NRCAM: variants seen among roughly 807,000 people sequenced by gnomAD.
NRCAM encodes the protein neuronal cell adhesion molecule.
Under a neutral mutation model 156.5 loss-of-function variants are expected in NRCAM, and 83 were observed. That is an observed-to-expected ratio of 0.53 (90% CI 0.44 to 0.64). The LOEUF (loss-of-function observed/expected upper bound fraction) is 0.64, where lower values mean the gene tolerates loss of function less well. Among genes scored for constraint, NRCAM ranks in the 30% least tolerant of loss-of-function variants. NRCAM has a pLI of 0.00. For synonymous variants in NRCAM, 538 were observed against 563.9 expected, an observed-to-expected ratio of 0.95 and a Z score of 0.65; for missense variants, 1,417 against 1,597.3, an observed-to-expected ratio of 0.89 and a Z score of 1.92.
At chr7:108,372,509 TA>T (rs2099635151) in intron 2 of NRCAM, among the ~76,000 whole-genome samples, 1 of 152,136 alleles carries the variant, frequency 6.6e-6, no homozygotes, top group African/African-American at 2.4e-5. Context: ...TCAATAGTTT[TA>T]AACAAATCTG....
At position 108,148,297 on chromosome 7, in the gene NRCAM, C is replaced by A. The variant is rs913139277; in HGVS notation, c.*1613G>T. On this transcript the variant is annotated 3_prime_UTR_variant, in exon 33 of 33. Transcript: ENST00000379028. ...TAATTAGCTTACCTCTTATACAGTA[C>A]AACATAAACATTGCATGTTTATTTG... 2 of 152,596 alleles carry A rather than the reference C, an allele frequency of 1.3e-5. No individual in the cohort carries two copies. The highest frequency in any genetic ancestry group is 2.9e-5 in the Non-Finnish European group (2 of 68,030). The allele number at this position is 152,596 out of a possible 1,614,324, so 9.5% of individuals were successfully genotyped here. A position where few individuals can be genotyped will look rare whatever the true frequency, so the allele number is the denominator to read the frequency against.
intron 1 of NRCAM, among the ~76,000 whole-genome samples, chr7:108,451,028 G>A (rs1382424014): frequency 6.6e-6 from 1 of 152,104 alleles, no homozygotes; most frequent in Non-Finnish European, 1.5e-5. Flanking sequence ...AGACCAGCTT[G>A]GCCAACCTGG....
At chr7:108,231,232 C>T in intron 7 of NRCAM, 79 bp from the exon 8 acceptor site, 2 of 1,038,540 alleles carry the variant, frequency 1.9e-6, no homozygotes, top group Non-Finnish European at 2.7e-6. Flanking sequence ...TAAAGGCAAA[C>T]TGAAGTTTTG....
intron 3 of NRCAM, among the ~76,000 whole-genome samples, chr7:108,267,980 T>C (rs2097170616): frequency 9.3e-6 from 1 of 107,686 alleles, no homozygotes; most frequent in African/African-American, 3.4e-5. Flanking sequence ...CTACCTCTAG[T>C]CTTATGGAAT....
At chr7:108,416,048 A>G (rs1294660171) in intron 1 of NRCAM, among the ~76,000 whole-genome samples, 1 of 148,468 alleles carries the variant, frequency 6.7e-6, no homozygotes, top group African/African-American at 2.6e-5. Flanking sequence ...GATGCTGCAA[A>G]CATTTCAGAA....
intron 1 of NRCAM, among the ~76,000 whole-genome samples, chr7:108,402,601 A>G (rs1032918999): frequency 6.6e-6 from 1 of 152,184 alleles, no homozygotes; most frequent in Non-Finnish European, 1.5e-5. Flanking sequence ...TTCTATTTTT[A>G]GGAAATTCTA....
At chr7:108,349,426 G>A (rs933066721) in intron 2 of NRCAM, among the ~76,000 whole-genome samples, 15 of 151,708 alleles carry the variant, frequency 9.9e-5, no homozygotes, top group Non-Finnish European at 1.9e-4. Flanking sequence ...CTGCCACCAC[G>A]CCCTGCTAAT....
intron 1 of NRCAM, among the ~76,000 whole-genome samples, chr7:108,443,907 C>G (rs144884662): frequency 0.058 from 2,788 of 48,418 alleles, 82 homozygotes; most frequent in African/African-American, 0.18. Flanking sequence ...TACATACATA[C>G]ATACATACAT....
Position 108,184,397 on chromosome 7 carries a change from G to GTCCCGCTT in NRCAM, c.2233+12_2233+19dup, listed in dbSNP as rs1222678517. On this transcript the variant is annotated intron_variant, in intron 21 of 32. Transcript: ENST00000379028. The stretch of plus-strand genomic sequence containing the variant: ...TTTTATTATATTTCGTACCCTAGAA[G>GTCCCGCTT]TCCCGCTTTCCCGCTTTACCTGAGG... 1 of 1,613,852 alleles carries GTCCCGCTT rather than the reference G, an allele frequency of 6.2e-7. No homozygotes were observed. The highest frequency in any genetic ancestry group is 1.3e-5 in the African/African-American group (1 of 74,920).
intron 3 of NRCAM, among the ~76,000 whole-genome samples, chr7:108,255,401 C>A (rs1391500659): frequency 6.6e-6 from 1 of 152,202 alleles, no homozygotes. Context: ...CTCCTGACCG[C>A]GAGTGATCTG....
intron 20 of NRCAM, among the ~76,000 whole-genome samples, 196 bp downstream of exon 20, chr7:108,189,449 C>T (rs1205610038): frequency 6.6e-6 from 1 of 152,086 alleles, no homozygotes; most frequent in Non-Finnish European, 1.5e-5. Context: ...TAAGGGGTGT[C>T]CTATTCTAGA....
At chr7:108,279,246 AAT>A (rs1324334835) in intron 3 of NRCAM, among the ~76,000 whole-genome samples, 1 of 152,194 alleles carries the variant, frequency 6.6e-6, no homozygotes, top group Non-Finnish European at 1.5e-5. Flanking sequence ...TGAGATTAAT[AAT>A]AGTTTTATCA....
At chr7:108,216,974 T>C (rs1269625) in intron 11 of NRCAM, among the ~76,000 whole-genome samples, 60,354 of 151,984 alleles carry the variant, frequency 0.4, 14,131 homozygotes, top group East Asian at 0.81. Context: ...GTAGTTGTGA[T>C]CCTTTGGAGG....
At chr7:108,377,562 C>T (rs2099681457) in intron 2 of NRCAM, among the ~76,000 whole-genome samples, 2 of 152,102 alleles carry the variant, frequency 1.3e-5, no homozygotes, top group African/African-American at 4.8e-5. Context: ...ATTATTATAG[C>T]CTTACTGGCA....
chr7:108,265,383 A>T (rs557207533), intron 3 of NRCAM, among the ~76,000 whole-genome samples: 7 of 152,278 alleles, frequency 4.6e-5, no homozygotes, highest in African/African-American at 1.7e-4. Context: ...CCTCTGTGAG[A>T]CATAGATGAT....
intron 8 of NRCAM, among the ~76,000 whole-genome samples, chr7:108,229,194 C>T (rs1296592678): frequency 6.6e-6 from 1 of 152,158 alleles, no homozygotes; most frequent in Non-Finnish European, 1.5e-5. Flanking sequence ...TTTTAGTTCT[C>T]ATATTATCTG....
intron 1 of NRCAM, among the ~76,000 whole-genome samples, chr7:108,418,109 A>T (rs1056512007): frequency 6.6e-6 from 1 of 152,078 alleles, no homozygotes; most frequent in African/African-American, 2.4e-5. Context: ...CCAAGAAATG[A>T]CTTCTAGGTG....
Position 108,397,795 on chromosome 7 carries a change from G to C in NRCAM, c.-174+1641C>G, listed in dbSNP as rs193269226. Among the ~76,000 whole-genome samples the C allele has an allele frequency of 2.8e-3, 419 of 152,234 alleles. 6 individuals are homozygous for C. Among genetic ancestry groups the C allele is most frequent in the East Asian group, 9.3e-3 (48 of 5,182 alleles). ...TGGCTTGTTACTGTCCTTAACTTCA[G>C]GGTTCACACTGTTTGTTAAAGACTG... On this transcript the variant is annotated intron_variant, in intron 2 of 32. Transcript: ENST00000379028.
intron 2 of NRCAM, among the ~76,000 whole-genome samples, chr7:108,377,751 A>G (rs2154352703): frequency 6.6e-6 from 1 of 152,182 alleles, no homozygotes; most frequent in East Asian, 1.9e-4. Context: ...TCCCAGCAAT[A>G]TAACAGACTA....
Sources: allele counts gnomAD v4.1 joint callset (sites outside exome capture counted in the v4.1 genomes callset), GRCh38; gene constraint gnomAD v4.1.1; transcripts MANE v1.5; gene names NCBI Gene and HGNC (gene_info 2026-07-23, HGNC 2026-07-21).